VIL1: variants seen among roughly 807,000 people sequenced by gnomAD.
The protein encoded by VIL1 is villin-1.
A neutral mutation model predicts 104.0 loss-of-function variants in VIL1; 86 were observed. The observed-to-expected ratio is 0.83, with a 90% CI of 0.69 to 0.99. The LOEUF (loss-of-function observed/expected upper bound fraction) is 0.99. Ranked by LOEUF, VIL1 falls within the 50% of genes least tolerant of loss-of-function variation. VIL1 has a pLI of 0.00. For missense variants in VIL1, 944 were observed against 1,054.1 expected (o/e 0.90, Z 1.45); for synonymous variants, 394 against 412.6 (o/e 0.95, Z 0.55).
At chr2:218,448,813 T>C (rs555014152) in intron 19 of VIL1, among the ~76,000 whole-genome samples, 9 of 152,252 alleles carry the variant, frequency 5.9e-5, no homozygotes, top group Admixed American at 5.2e-4. Flanking sequence ...GAGACTAGCC[T>C]GGCCAACATG....
intron 19 of VIL1, among the ~76,000 whole-genome samples, chr2:218,442,808 A>G (rs1170311984): frequency 1.2e-4 from 19 of 152,194 alleles, no homozygotes; most frequent in Admixed American, 1.2e-3. Flanking sequence ...TCAGAACATC[A>G]AAGTCTGTTA....
At chr2:218,419,555 C>CCGTG (rs1354779548) in intron 1 of VIL1, among the ~76,000 whole-genome samples, 1 of 152,208 alleles carries the variant, frequency 6.6e-6, no homozygotes. Flanking sequence ...ATCTCTTTGC[C>CCGTG]CGTGCGTTCT....
chr2:218,425,581 AG>A, intron 3 of VIL1, 33 bp from the exon 4 acceptor site: 1 of 1,609,658 alleles, frequency 6.2e-7, no homozygotes, highest in Non-Finnish European at 8.5e-7. Context: ...GTGGGAGCCC[AG>A]GGTCTCGGGT....
Position 218,449,337 on chromosome 2 carries a change from G to GA in VIL1, c.*3dup. On this transcript the variant is annotated 3_prime_UTR_variant, in exon 20 of 20. Transcript: ENST00000248444. The stretch of plus-strand genomic sequence containing the variant: ...CAAGAAAGAAAAAGGACTATTTTGA[G>GA]AAGAGTAGCTGTGGTTGTAAAGCAG... 1 of 1,609,086 alleles carries GA rather than the reference G, an allele frequency of 6.2e-7. No individual in the cohort carries two copies. The highest frequency in any genetic ancestry group is 1.3e-5 in the African/African-American group (1 of 74,940).
chr2:218,441,893 A>G (rs569536182), intron 19 of VIL1, among the ~76,000 whole-genome samples: 1 of 152,314 alleles, frequency 6.6e-6, no homozygotes, highest in South Asian at 2.1e-4. Context: ...ATGCTGAGGC[A>G]GGAGAATCAC....
chr2:218,429,384 A>G lies in VIL1; in HGVS notation c.667A>G (p.Met223Val). Reference protein sequence around the residue: ...GENELASPKLMEVMNHVLGKR... With the variant: ...GENELASPKLVEVMNHVLGKR... Reference sequence around the variant, plus strand: ...GAATGAATTGGCATCCCCGAAGCTGATGGAGGTGATGAACCACGTGCTGGG... The same window carrying G: ...GAATGAATTGGCATCCCCGAAGCTGGTGGAGGTGATGAACCACGTGCTGGG... The change falls in exon 7 of 20, where the codon ATG becomes GTG. Residue 223 changes from methionine (M) to valine (V), a missense_variant. By Grantham distance (21) the Met-to-Val change is conservative. Coordinates refer to ENST00000248444, the MANE Select transcript of VIL1 (RefSeq NM_007127.3). The G allele has an allele frequency of 6.2e-7, 1 of 1,614,108 alleles. No individual in the cohort carries two copies. Among genetic ancestry groups the G allele is most frequent in the South Asian group, 1.1e-5 (1 of 91,078 alleles).
intron 19 of VIL1, among the ~76,000 whole-genome samples, chr2:218,441,146 T>G (rs1030846772): frequency 2.0e-5 from 3 of 152,118 alleles, no homozygotes; most frequent in African/African-American, 7.2e-5. Context: ...CCCAGCACTT[T>G]GGGAGGCCGA....
rs149949297 is a variant in VIL1, at chr2:218,440,324, C to T, written c.2230-398C>T. Among the ~76,000 whole-genome samples, 1,059 of 152,284 alleles carry T rather than the reference C, an allele frequency of 7.0e-3. 14 individuals carry two copies. Among genetic ancestry groups the T allele is most frequent in the African/African-American group, 0.025 (1,018 of 41,544 alleles). ...TCTCTCTGTTGCCCAGGCTGAAGTG[C>T]AGTGGCGCAATCTCAGCTCACTGCA... is the stretch of plus-strand genomic sequence containing the variant. On this transcript the variant is annotated intron_variant, in intron 18 of 19. Transcript: ENST00000248444.
chr2:218,421,589 A>G (rs889028874), intron 1 of VIL1, among the ~76,000 whole-genome samples: 1 of 151,980 alleles, frequency 6.6e-6, no homozygotes, highest in Non-Finnish European at 1.5e-5. Context: ...GCTCTGACCA[A>G]CATGGGTAGA....
rs1271852231 is a variant in VIL1, at chr2:218,453,073, G to A, written c.*3737G>A. The A allele has an allele frequency of 6.6e-6, 1 of 152,168 alleles. No homozygotes were observed. Among genetic ancestry groups the A allele is most frequent in the Non-Finnish European group, 1.5e-5 (1 of 68,030 alleles). The allele number at this position is 152,168 out of a possible 1,614,324, so 9.4% of individuals were successfully genotyped here. A position where few individuals can be genotyped will look rare whatever the true frequency, so the allele number is the denominator to read the frequency against. ...TAAGGTATATAGGTAGATGGTAGGAGGCAAAGCATTTATCAGTAGTTGAGC... is the reference window on the plus strand; with the variant it reads ...TAAGGTATATAGGTAGATGGTAGGAAGCAAAGCATTTATCAGTAGTTGAGC... On this transcript the variant is annotated 3_prime_UTR_variant, in exon 20 of 20. Coordinates refer to ENST00000248444, the MANE Select transcript of VIL1 (RefSeq NM_007127.3).
chr2:218,420,297 C>T lies in VIL1; in HGVS notation c.-12+1129C>T, dbSNP rs75495834. Among the ~76,000 whole-genome samples, 516 of 151,862 alleles carry T rather than the reference C, an allele frequency of 3.4e-3. 4 individuals carry two copies. The highest frequency in any genetic ancestry group is 0.012 in the African/African-American group (491 of 41,458). On this transcript the variant is annotated intron_variant, in intron 1 of 19. Coordinates refer to ENST00000248444, the MANE Select transcript of VIL1 (RefSeq NM_007127.3). ...ATACATAATTAGCTGGGTGTGCTCG[C>T]GCACGCCTATAGTCCCAGCTACTCG...
At chr2:218,440,900 T>A (rs1169680193) in intron 19 of VIL1, 38 bp downstream of exon 19, 1 of 1,611,286 alleles carries the variant, frequency 6.2e-7, no homozygotes, top group Non-Finnish European at 8.5e-7. Flanking sequence ...AGAAGTCCAT[T>A]TGTTGGACCA....
rs1689445260 is a variant in VIL1 at position 218,450,129 on chromosome 2, T to A, written c.*793T>A. On this transcript the variant is annotated 3_prime_UTR_variant, in exon 20 of 20. Transcript: ENST00000248444. The stretch of plus-strand genomic sequence containing the variant: ...TTGCCATTCTGTTCCTTTTAAGAAG[T>A]AACAGTGCTGCAAGGAAGTCCATGT... 1 of 152,132 alleles carries A rather than the reference T, an allele frequency of 6.6e-6. No individual in the cohort carries two copies. Among genetic ancestry groups the A allele is most frequent in the Non-Finnish European group, 1.5e-5 (1 of 68,016 alleles). The allele number at this position is 152,132 out of a possible 1,614,324, so 9.4% of individuals were successfully genotyped here.
intron 10 of VIL1, 115 bp downstream of exon 10, chr2:218,430,993 A>G: frequency 7.3e-7 from 1 of 1,372,468 alleles, no homozygotes; most frequent in Non-Finnish European, 1.0e-6. Flanking sequence ...GAAGACTTTT[A>G]CGCTGGCTCT....
rs748765265 is a variant in VIL1, at chr2:218,437,161, A to G, written c.2009A>G (p.Glu670Gly). Residue 670 changes from glutamate (E) to glycine (G), a missense_variant, in exon 17 of 20, where the codon GAG (glutamate) becomes GGG (glycine). By Grantham distance (98) the Glu-to-Gly change is moderately conservative (BLOSUM62 -2). Transcript: ENST00000248444. ...FWIGKHANEE[E>G]KKAAATTAQE... is the part of the protein sequence containing the mutation. Reference sequence around the variant, plus strand: ...ATTGGGAAACATGCCAACGAGGAGGAGAAGAAGGCCGCAGCAACCACTGCA... The same window carrying G: ...ATTGGGAAACATGCCAACGAGGAGGGGAAGAAGGCCGCAGCAACCACTGCA... The G allele has an allele frequency of 6.2e-7, 1 of 1,614,042 alleles. No homozygotes were observed. Among genetic ancestry groups the G allele is most frequent in the South Asian group, 1.1e-5 (1 of 91,086 alleles).
chr2:218,447,665 G>C (rs1252835716), intron 19 of VIL1, among the ~76,000 whole-genome samples: 1 of 152,028 alleles, frequency 6.6e-6, no homozygotes, highest in Admixed American at 6.6e-5. Context: ...ACCCTTATAG[G>C]GCTCATCTGC....
intron 19 of VIL1, among the ~76,000 whole-genome samples, chr2:218,445,116 C>A (rs1471183566): frequency 6.6e-6 from 1 of 152,108 alleles, no homozygotes; most frequent in African/African-American, 2.4e-5. Flanking sequence ...ACCAAGTACT[C>A]AGCCGAGTGC....
In VIL1 at chr2:218,451,012, A is replaced by G. The variant is rs944497966; in HGVS notation, c.*1676A>G. The G allele has an allele frequency of 2.0e-5, 3 of 152,206 alleles. No homozygotes were observed. The highest frequency in any genetic ancestry group is 7.2e-5 in the African/African-American group (3 of 41,456). The allele number at this position is 152,206 out of a possible 1,614,324, so 9.4% of individuals were successfully genotyped here. On this transcript the variant is annotated 3_prime_UTR_variant, in exon 20 of 20. Transcript: ENST00000248444. ...GAATGATTGTGGTTAAACACAGCAA[A>G]ATAATTGTCACAAAACTTTCAAGGC...
In VIL1 at chr2:218,444,672, ATCTC is replaced by A. The variant is rs146376067; in HGVS notation, c.2370+3814_2370+3817del. ...GTGGGAGTGTAGGAGAGGTTTTCAG[ATCTC>A]TCTGTCTGCTCCAATCTTGCAAGGT... On this transcript the variant is annotated intron_variant, in intron 19 of 19. Coordinates refer to ENST00000248444, the MANE Select transcript of VIL1 (RefSeq NM_007127.3). Among the ~76,000 whole-genome samples, 1,072 of 152,236 alleles carry A rather than the reference ATCTC, an allele frequency of 7.0e-3. 14 individuals are homozygous for A. Among genetic ancestry groups the A allele is most frequent in the African/African-American group, 0.025 (1,026 of 41,540 alleles).
Sources: allele counts gnomAD v4.1 joint callset (sites outside exome capture counted in the v4.1 genomes callset), GRCh38; gene constraint gnomAD v4.1.1; transcripts MANE v1.5; gene names NCBI Gene and HGNC (gene_info 2026-07-23, HGNC 2026-07-21).